RASA3: variants seen among roughly 807,000 people sequenced by gnomAD.
RASA3 encodes ras GTPase-activating protein 3.
A neutral mutation model predicts 110.0 loss-of-function variants in RASA3; 73 were observed. The ratio of observed to expected loss-of-function variants is 0.66; its 90% CI spans 0.55 to 0.81. The LOEUF (loss-of-function observed/expected upper bound fraction) is 0.81. Ranked by LOEUF, RASA3 falls within the 30% of genes least tolerant of loss-of-function variation. The probability of loss-of-function intolerance (pLI) is 0.00; values close to 1 mark genes in which losing one functional copy is unlikely to be tolerated. For missense variants in RASA3, 976 were observed against 1,113.2 expected (o/e 0.88, Z 1.75); for synonymous variants, 500 against 451.4 (o/e 1.11, Z -1.37).
intron 1 of RASA3, among the ~76,000 whole-genome samples, chr13:114,089,672 G>A (rs1156852392): frequency 2.0e-5 from 3 of 152,220 alleles, no homozygotes; most frequent in African/African-American, 4.8e-5. Flanking sequence ...TTCACGGCAC[G>A]TGTGTGGGTG....
intron 4 of RASA3, among the ~76,000 whole-genome samples, chr13:114,031,506 G>A (rs961013128): frequency 2.7e-5 from 4 of 149,732 alleles, no homozygotes; most frequent in African/African-American, 1.0e-4. Context: ...GACTGTGTCT[G>A]CCTGTCTGTG....
intron 6 of RASA3, 40 bp downstream of exon 6, chr13:114,027,807 C>G: frequency 6.3e-7 from 1 of 1,591,312 alleles, no homozygotes; most frequent in South Asian, 1.1e-5. Context: ...CCCTAGCCCC[C>G]CAGGACCAGA....
chr13:114,061,864 C>T (rs1335749181), intron 2 of RASA3, among the ~76,000 whole-genome samples: 2 of 152,112 alleles, frequency 1.3e-5, no homozygotes, highest in Admixed American at 1.3e-4. Context: ...CCTGTGCTTG[C>T]GGTGGTAACT....
intron 1 of RASA3, among the ~76,000 whole-genome samples, chr13:114,104,700 G>C (rs1012473623): frequency 6.6e-6 from 1 of 152,158 alleles, no homozygotes; most frequent in Non-Finnish European, 1.5e-5. Flanking sequence ...ATAGCAAATC[G>C]AAACTTTGGT....
chr13:114,032,193 A>G (rs544750609), intron 4 of RASA3, among the ~76,000 whole-genome samples: 10 of 152,072 alleles, frequency 6.6e-5, no homozygotes, highest in African/African-American at 9.7e-5. Flanking sequence ...ACAGACCACA[A>G]ATGCAGGGGG....
At chr13:114,089,118 T>TGCTCCTTC (rs1594442807) in intron 1 of RASA3, among the ~76,000 whole-genome samples, 1 of 152,018 alleles carries the variant, frequency 6.6e-6, no homozygotes. Flanking sequence ...CTAAGCCTTC[T>TGCTCCTTC]GCTCCTTCGC....
intron 4 of RASA3, among the ~76,000 whole-genome samples, chr13:114,038,862 T>A (rs1014957997): frequency 1.3e-5 from 2 of 152,152 alleles, no homozygotes; most frequent in Non-Finnish European, 2.9e-5. Context: ...GCACAGAGCC[T>A]CCATCCGACC....
chr13:113,979,391 T>C lies in RASA3; in HGVS notation c.2461A>G (p.Asn821Asp). The change falls in exon 24 of 24, where the codon AAC becomes GAC. Residue 821 changes from asparagine (N) to aspartate (D), a missense_variant. Coordinates refer to ENST00000334062, the MANE Select transcript of RASA3 (RefSeq NM_007368.4). ...EHPIGDKSFQNYIRQQSETST... is the reference protein window; with the variant it reads ...EHPIGDKSFQDYIRQQSETST... The stretch of plus-strand genomic sequence containing the variant: ...GTCTCGGACTGCTGCCGGATGTAGT[T>C]CTGGAAGCTCTTGTCTCCGATGGGG... The C allele has an allele frequency of 6.2e-7, 1 of 1,604,646 alleles. No individual in the cohort carries two copies. Among genetic ancestry groups the C allele is most frequent in the Non-Finnish European group, 8.5e-7 (1 of 1,172,798 alleles).
chr13:114,089,614 GCA>G (rs1197957288), intron 1 of RASA3, among the ~76,000 whole-genome samples: 1 of 152,164 alleles, frequency 6.6e-6, no homozygotes, highest in Non-Finnish European at 1.5e-5. Context: ...CATCAGCCCT[GCA>G]CAGACATCAG....
In RASA3 at chr13:113,981,706, C is replaced by T; in HGVS notation, c.2398G>A (p.Asp800Asn). ...CCATATTTCGTCTTCTTGAACTTGT[C>T]CCTCTTATACTGGGCGTGCTCCTGC... Reference protein sequence around the residue: ...LEQEHAQYKRDKFKKTKYGSQ... With the variant: ...LEQEHAQYKRNKFKKTKYGSQ... The change falls in exon 23 of 24, where the codon GAC (aspartate) becomes AAC (asparagine). Residue 800 changes from aspartate to asparagine, a missense_variant. Transcript: ENST00000334062. 1 of 1,613,950 alleles carries T rather than the reference C, an allele frequency of 6.2e-7. No individual in the cohort carries two copies. Among genetic ancestry groups the T allele is most frequent in the Non-Finnish European group, 8.5e-7 (1 of 1,179,906 alleles).
At position 113,978,348 on chromosome 13, in the gene RASA3, C is replaced by T. The variant is rs191023126; in HGVS notation, c.*999G>A. ...CTTCTTTGATTTTCTGGAGGACCTG[C>T]AGCTGGCCTTCCTGAGACAGGCTCC... On this transcript the variant is annotated 3_prime_UTR_variant, in exon 24 of 24. Transcript: ENST00000334062. 4 of 152,458 alleles carry T rather than the reference C, an allele frequency of 2.6e-5. No individual in the cohort carries two copies. The East Asian group carries it at 7.7e-4, about 29-fold the overall frequency. The allele number at this position is 152,458 out of a possible 1,614,324, so 9.4% of individuals were successfully genotyped here.
rs184808522 is a variant in RASA3 at position 114,076,028 on chromosome 13, G to A, written c.56-2191C>T. 3.2e-3 allele frequency among the ~76,000 whole-genome samples: 480 copies of A among 150,708 alleles called. 9 individuals are homozygous for A. Among genetic ancestry groups the A allele is most frequent in the African/African-American group, 0.011 (445 of 40,090 alleles). ...GCGTATCTCTGCGTGTGGAGGCGCC[G>A]GCAGGCGTTCCCAGCAGCACCCGCT... On this transcript the variant is annotated intron_variant, in intron 1 of 23. Transcript: ENST00000334062.
At chr13:113,997,993 G>A (rs113546122) in intron 20 of RASA3, among the ~76,000 whole-genome samples, 136 of 152,362 alleles carry the variant, frequency 8.9e-4, no homozygotes, top group African/African-American at 3.2e-3. Context: ...CTGCCACCAG[G>A]AGCAGCCTTC....
chr13:114,055,914 C>G (rs907238224), intron 2 of RASA3, among the ~76,000 whole-genome samples: 2 of 152,228 alleles, frequency 1.3e-5, no homozygotes, highest in Non-Finnish European at 2.9e-5. Flanking sequence ...AATCAAGCTT[C>G]GTTCACCATG....
At chr13:113,996,409 G>A in intron 21 of RASA3, 122 bp downstream of exon 21, 1 of 1,035,720 alleles carries the variant, frequency 9.7e-7, no homozygotes, top group Non-Finnish European at 1.4e-6. Flanking sequence ...AGGAGGCGAG[G>A]GCAGCCCTGT....
chr13:114,031,493 C>A (rs9562105), intron 4 of RASA3, among the ~76,000 whole-genome samples: 1 of 148,560 alleles, frequency 6.7e-6, no homozygotes, highest in Non-Finnish European at 1.5e-5. Flanking sequence ...TGTGTGTGTG[C>A]GCGACTGTGT....
chr13:114,111,122 GAGTTCTAACGGGCTGAGCCTCAAACC>G (rs1294575235), intron 1 of RASA3, among the ~76,000 whole-genome samples: 6,654 of 103,530 alleles, frequency 0.064, 616 homozygotes, highest in Non-Finnish European at 0.095. Context: ...GCTGCAGGCC[GAGTTCTAACGGGCTGAGCCTCAAACC>G]AGCTGCAGGC....
intron 1 of RASA3, among the ~76,000 whole-genome samples, chr13:114,097,319 G>A (rs1049992774): frequency 6.6e-6 from 1 of 152,204 alleles, no homozygotes; most frequent in South Asian, 2.1e-4. Context: ...CTGAAAAGCC[G>A]CAAGTCTACA....
chr13:114,009,157 G>A (rs756730110), intron 17 of RASA3, among the ~76,000 whole-genome samples: 1 of 152,218 alleles, frequency 6.6e-6, no homozygotes, highest in Non-Finnish European at 1.5e-5. Context: ...CGAGGGCCCC[G>A]TTTTGGCCCC....
Sources: gnomAD v4.1 joint callset for allele counts (sites outside exome capture counted in the v4.1 genomes callset) on GRCh38, gnomAD v4.1.1 for gene constraint, MANE v1.5 for transcripts, NCBI Gene and HGNC (gene_info 2026-07-23, HGNC 2026-07-21) for gene names.